SMC5: variants seen among roughly 807,000 people sequenced by gnomAD.
SMC5 encodes structural maintenance of chromosomes protein 5.
SMC5 carries 88 observed loss-of-function variants against 148.3 expected under a neutral mutation model. The ratio of observed to expected loss-of-function variants is 0.59; its 90% confidence interval spans 0.50 to 0.71. The LOEUF (loss-of-function observed/expected upper bound fraction) is 0.71, where lower values mean the gene tolerates loss of function less well. Among genes scored for constraint, SMC5 ranks in the 30% least tolerant of loss-of-function variants. SMC5 has a pLI of 0.00. For missense variants in SMC5, 1,142 were observed against 1,298.9 expected (o/e 0.88, Z 1.86); for synonymous variants, 421 against 432.8 (o/e 0.97, Z 0.34).
intron 3 of SMC5, among the ~76,000 whole-genome samples, chr9:70,268,744 G>A (rs2034362369): frequency 6.6e-6 from 1 of 151,990 alleles, no homozygotes; most frequent in African/African-American, 2.4e-5. Flanking sequence ...CTAATAGTTT[G>A]ATGAATCTCA....
intron 7 of SMC5, 49 bp downstream of exon 7, chr9:70,282,632 TA>T (rs769340791): frequency 6.7e-7 from 1 of 1,494,836 alleles, no homozygotes; most frequent in South Asian, 1.3e-5. Flanking sequence ...TTTTAGCAAA[TA>T]TAAAAAATAT....
chr9:70,304,692 TAAAAAA>T (rs1274251700), intron 10 of SMC5, among the ~76,000 whole-genome samples: 1 of 151,436 alleles, frequency 6.6e-6, no homozygotes, highest in African/African-American at 2.4e-5. Context: ...CTCAAAAAAA[TAAAAAA>T]GAGAAAAGTA....
Position 70,278,934 on chromosome 9 carries a change from C to T in SMC5, c.678+309C>T, listed in dbSNP as rs575728522. Among the ~76,000 whole-genome samples the T allele has an allele frequency of 3.9e-4, 60 of 152,222 alleles. No homozygotes were observed. The South Asian group carries it at 4.4e-3, about 11-fold the overall frequency. ...TTTCATTCATTCAGTATCTATTAAACACCTACTATGTGCCAGGCACTGTGT... is the reference window on the plus strand; with the variant it reads ...TTTCATTCATTCAGTATCTATTAAATACCTACTATGTGCCAGGCACTGTGT... On this transcript the variant is annotated intron_variant, in intron 5 of 24. Transcript: ENST00000361138.
intron 9 of SMC5, among the ~76,000 whole-genome samples, chr9:70,298,784 C>CT (rs2035278948): frequency 6.6e-6 from 1 of 151,400 alleles, no homozygotes; most frequent in Non-Finnish European, 1.5e-5. Flanking sequence ...GGCACAACTC[C>CT]TTTTTTACCT....
intron 6 of SMC5, among the ~76,000 whole-genome samples, chr9:70,281,294 G>A (rs998298386): frequency 1.3e-5 from 2 of 151,886 alleles, no homozygotes; most frequent in Non-Finnish European, 2.9e-5. Context: ...TGCCCCCCTC[G>A]GCCTCCCAAA....
intron 17 of SMC5, among the ~76,000 whole-genome samples, chr9:70,324,817 A>AT (rs1270237527): frequency 6.6e-6 from 1 of 152,156 alleles, no homozygotes; most frequent in East Asian, 1.9e-4. Context: ...ATTCTTAACG[A>AT]TTATGATTTT....
At chr9:70,265,089 G>A (rs868759300) in intron 2 of SMC5, among the ~76,000 whole-genome samples, 3 of 152,102 alleles carry the variant, frequency 2.0e-5, no homozygotes, top group Non-Finnish European at 4.4e-5. Flanking sequence ...AGTGGGGGGC[G>A]GAAAAATACT....
chr9:70,277,377 T>A lies in SMC5; in HGVS notation c.448T>A (p.Phe150Ile). Residue 150 changes from phenylalanine (F) to isoleucine (I), a missense_variant, in exon 4 of 25, where the codon TTC becomes ATC. Physicochemically the swap from Phe to Ile is conservative, Grantham distance 21 (BLOSUM62 0). This residue lies in a region of SMC5 where 297 missense variants were observed against 302.6 expected (regional missense o/e 0.98). Coordinates refer to ENST00000361138, the MANE Select transcript of SMC5 (RefSeq NM_015110.4). ...IDVAKNQSFW[F>I]INKKSTTQKI... ...TGTGGCAAAAAATCAGTCCTTTTGGTTCATCAACAAAAAATCTACAACCCA... is the reference window on the plus strand; with the variant it reads ...TGTGGCAAAAAATCAGTCCTTTTGGATCATCAACAAAAAATCTACAACCCA... 1.2e-6 allele frequency: 2 copies of A among 1,605,304 alleles called. No individual in the cohort carries two copies. Among genetic ancestry groups the A allele is most frequent in the Non-Finnish European group, 1.7e-6 (2 of 1,175,736 alleles).
intron 3 of SMC5, among the ~76,000 whole-genome samples, chr9:70,270,644 T>A (rs868261412): frequency 2.1e-5 from 2 of 97,336 alleles, no homozygotes; most frequent in South Asian, 6.8e-4. Context: ...ACTAAATAAT[T>A]TTTTTTTTTT....
At chr9:70,314,402 A>G (rs1268934299) in intron 11 of SMC5, among the ~76,000 whole-genome samples, 1 of 152,160 alleles carries the variant, frequency 6.6e-6, no homozygotes, top group African/African-American at 2.4e-5. Flanking sequence ...GCCAGAGTTT[A>G]CAATCATTGT....
At chr9:70,285,264 T>G (rs1338677029) in intron 7 of SMC5, among the ~76,000 whole-genome samples, 2 of 152,152 alleles carry the variant, frequency 1.3e-5, no homozygotes, top group African/African-American at 4.8e-5. Context: ...GAAAATGCCC[T>G]GAGGACAAAG....
intron 8 of SMC5, among the ~76,000 whole-genome samples, chr9:70,291,376 CTT>C (rs1001530671): frequency 3.3e-5 from 5 of 152,126 alleles, no homozygotes; most frequent in Non-Finnish European, 7.4e-5. Flanking sequence ...TTGTTGAAAA[CTT>C]TGGTTAACTC....
At chr9:70,330,440 CTG>C (rs1213580624) in intron 17 of SMC5, among the ~76,000 whole-genome samples, 1 of 151,842 alleles carries the variant, frequency 6.6e-6, no homozygotes, top group African/African-American at 2.4e-5. Context: ...TTAAATAACA[CTG>C]AGGAATACAG....
chr9:70,341,959 A>G (rs2036537444), intron 17 of SMC5, among the ~76,000 whole-genome samples: 1 of 149,934 alleles, frequency 6.7e-6, no homozygotes, highest in South Asian at 2.2e-4. Flanking sequence ...TTGCGGCACT[A>G]TTCACAATAG....
At chr9:70,309,849 G>A (rs2035612707) in intron 11 of SMC5, among the ~76,000 whole-genome samples, 1 of 152,138 alleles carries the variant, frequency 6.6e-6, no homozygotes, top group Non-Finnish European at 1.5e-5. Flanking sequence ...CATGTAGAAT[G>A]ATGAATCTTT....
intron 8 of SMC5, among the ~76,000 whole-genome samples, chr9:70,293,628 T>C (rs995422756): frequency 2.0e-5 from 3 of 152,150 alleles, no homozygotes; most frequent in Non-Finnish European, 2.9e-5. Context: ...AATTTTGATA[T>C]GTGCTATTTT....
chr9:70,285,616 C>A (rs1266317568), intron 7 of SMC5, among the ~76,000 whole-genome samples: 1 of 152,208 alleles, frequency 6.6e-6, no homozygotes, highest in African/African-American at 2.4e-5. Context: ...ACCGACCTTG[C>A]AAACAAGCCT....
At chr9:70,305,694 A>G (rs1477887738) in intron 11 of SMC5, among the ~76,000 whole-genome samples, 2 of 152,184 alleles carry the variant, frequency 1.3e-5, no homozygotes, top group Non-Finnish European at 2.9e-5. Context: ...TTGAAAATGT[A>G]TTGGAATGAA....
chr9:70,321,675 C>G (rs1053841355), intron 15 of SMC5, among the ~76,000 whole-genome samples: 1 of 152,156 alleles, frequency 6.6e-6, no homozygotes, highest in Non-Finnish European at 1.5e-5. Flanking sequence ...AGCCACCACA[C>G]CCAGCCAAAA....
Sources: allele counts gnomAD v4.1 joint callset (sites outside exome capture counted in the v4.1 genomes callset), GRCh38; gene constraint gnomAD v4.1.1; regional missense constraint gnomAD v4.1.1; transcripts MANE v1.5; gene names NCBI Gene and HGNC (gene_info 2026-07-23, HGNC 2026-07-21).